Variants in ARFGEF1 observed in about 807,000 individuals in gnomAD.
ARFGEF1 encodes the protein ARF guanine nucleotide exchange factor 1.
In ARFGEF1, 42 loss-of-function variants were observed where a neutral mutation model predicts 231.0. That is an observed-to-expected ratio of 0.18 (90% confidence interval 0.14 to 0.24). ARFGEF1 has a LOEUF of 0.24. Among genes scored for constraint, ARFGEF1 ranks in the 10% least tolerant of loss-of-function variants. ARFGEF1 has a pLI of 1.00. For missense variants in ARFGEF1, 1,345 were observed against 2,192.0 expected (o/e 0.61, Z 7.72); for synonymous variants, 710 against 732.3 (o/e 0.97, Z 0.49).
chr8:67,343,344 G>GCC lies in ARFGEF1; in HGVS notation c.-58_-57insGG. On this transcript the variant is annotated 5_prime_UTR_variant, in exon 1 of 39. Transcript: ENST00000262215. Reference sequence around the variant, plus strand: ...ACCCGCGGCTCCCAGCGGCTGGAGGGGAGGAGGAGGAGAGGAAGGAAGAGA... The same window carrying GCC: ...ACCCGCGGCTCCCAGCGGCTGGAGGGCCGAGGAGGAGGAGAGGAAGGAAGAGA... 1 of 1,589,436 alleles carries GCC rather than the reference G, an allele frequency of 6.3e-7. No individual in the cohort carries two copies. Among genetic ancestry groups the GCC allele is most frequent in the Non-Finnish European group, 8.6e-7 (1 of 1,166,118 alleles).
chr8:67,278,342 T>C (rs561336599), intron 7 of ARFGEF1, among the ~76,000 whole-genome samples: 13 of 152,224 alleles, frequency 8.5e-5, no homozygotes, highest in Middle Eastern at 6.8e-3. Flanking sequence ...ACAGAAATAA[T>C]GAGGTCTATG....
At chr8:67,216,797 A>G (rs76439675) in intron 32 of ARFGEF1, 135 bp from the exon 33 acceptor site, 10,382 of 536,524 alleles carry the variant, frequency 0.019, 312 homozygotes, top group South Asian at 0.041. Context: ...TGCTAATTTT[A>G]GCAATTTCCT....
In ARFGEF1 at chr8:67,298,717, A is replaced by G. The variant is rs117922240; in HGVS notation, c.459+492T>C. On this transcript the variant is annotated intron_variant, in intron 4 of 38. Coordinates refer to ENST00000262215, the MANE Select transcript of ARFGEF1 (RefSeq NM_006421.5). ...ACTTTTCCTCTAACAAACTCTTGGC[A>G]TACAACATTAAAATCCCCTAATATG... Among the ~76,000 whole-genome samples the G allele has an allele frequency of 4.8e-4, 73 of 152,340 alleles. No homozygotes were observed. The East Asian group carries it at 0.013, about 28-fold the overall frequency.
At chr8:67,276,227 A>C in intron 8 of ARFGEF1, 118 bp from the exon 9 acceptor site, 2 of 1,125,150 alleles carry the variant, frequency 1.8e-6, no homozygotes, top group Non-Finnish European at 1.3e-6. Context: ...CACTGTTGGA[A>C]GGGGAACCAG....
chr8:67,247,429 G>A (rs1270747970), intron 19 of ARFGEF1, among the ~76,000 whole-genome samples: 2 of 150,448 alleles, frequency 1.3e-5, no homozygotes, highest in Non-Finnish European at 2.9e-5. Context: ...TGCAAGGATG[G>A]TTCAACATAC....
At chr8:67,193,563 C>A (rs200346372), downstream of ARFGEF1, 8 of 1,613,352 alleles carry the variant, frequency 5.0e-6, no homozygotes, top group South Asian at 1.1e-5. Context: ...GGAACGAATG[C>A]GAAGACTGAA....
At chr8:67,269,728 C>T (rs747895551) in intron 10 of ARFGEF1, among the ~76,000 whole-genome samples, 6 of 151,936 alleles carry the variant, frequency 3.9e-5, no homozygotes, top group Non-Finnish European at 7.4e-5. Context: ...CCCTCATTAT[C>T]GCCCCCTGAG....
intron 1 of ARFGEF1, among the ~76,000 whole-genome samples, chr8:67,333,325 G>GCCTGA (rs1165094454): frequency 3.5e-4 from 51 of 144,134 alleles, no homozygotes; most frequent in Non-Finnish European, 7.2e-4. Context: ...GAGCCACCAT[G>GCCTGA]CCTGGCCTTT....
intron 5 of ARFGEF1, among the ~76,000 whole-genome samples, chr8:67,179,627 T>C (rs943188742): frequency 6.6e-6 from 1 of 152,218 alleles, no homozygotes; most frequent in East Asian, 1.9e-4. Context: ...TGTTAGCTTG[T>C]AGAATCTGTA....
intron 4 of ARFGEF1, among the ~76,000 whole-genome samples, chr8:67,297,791 G>T (rs1267674727): frequency 6.8e-6 from 1 of 146,940 alleles, no homozygotes; most frequent in Non-Finnish European, 1.5e-5. Flanking sequence ...AGGTCAAAAT[G>T]ATCAACCCGT....
chr8:67,210,047 C>T (rs1220791914), intron 34 of ARFGEF1, among the ~76,000 whole-genome samples: 3 of 148,604 alleles, frequency 2.0e-5, no homozygotes, highest in Non-Finnish European at 3.0e-5. Flanking sequence ...CCCAGCTACT[C>T]GGGAGGCTGA....
chr8:67,198,142 A>T lies in ARFGEF1; in HGVS notation c.*792T>A, dbSNP rs766922306. ...TGACAGGTAGTTACTGTCAGTAGGG[A>T]TATTTTCTACCTTTTTTTCCCTATT... On this transcript the variant is annotated 3_prime_UTR_variant, in exon 39 of 39. Coordinates refer to ENST00000262215, the MANE Select transcript of ARFGEF1 (RefSeq NM_006421.5). The T allele has an allele frequency of 1.0e-6, 1 of 985,798 alleles. No individual in the cohort carries two copies. 61.1% of individuals were successfully genotyped at this position (985,798 alleles called of 1,614,324 possible).
chr8:67,308,687 CACTT>C (rs1806856535), intron 1 of ARFGEF1, among the ~76,000 whole-genome samples: 1 of 152,102 alleles, frequency 6.6e-6, no homozygotes, highest in South Asian at 2.1e-4. Context: ...TTTTATAAGG[CACTT>C]ATTTATAAAG....
At chr8:67,287,505 C>T (rs778763860) in intron 7 of ARFGEF1, among the ~76,000 whole-genome samples, 8 of 152,212 alleles carry the variant, frequency 5.3e-5, no homozygotes, top group Admixed American at 3.9e-4. Flanking sequence ...GGTCCTGTGA[C>T]GGCTTCCAGT....
intron 19 of ARFGEF1, among the ~76,000 whole-genome samples, chr8:67,249,348 A>G (rs1198315737): frequency 6.6e-6 from 1 of 150,420 alleles, no homozygotes; most frequent in Non-Finnish European, 1.5e-5. Flanking sequence ...TATCCTGGGC[A>G]TGTTCAAGGC....
chr8:67,195,818 A>G (rs1037320769), downstream of ARFGEF1: 33 of 495,010 alleles, frequency 6.7e-5, 1 homozygote, highest in South Asian at 8.3e-4. Context: ...CAGTTTTGTC[A>G]TAAATTAGGG....
chr8:67,200,837 C>T (rs1348060177), intron 37 of ARFGEF1, among the ~76,000 whole-genome samples: 3 of 152,158 alleles, frequency 2.0e-5, no homozygotes, highest in Non-Finnish European at 4.4e-5. Flanking sequence ...GAATCTGAGG[C>T]GACTCCTCTC....
chr8:67,231,364 C>T (rs755098837), intron 23 of ARFGEF1, among the ~76,000 whole-genome samples: 5 of 152,048 alleles, frequency 3.3e-5, no homozygotes, highest in Non-Finnish European at 5.9e-5. Context: ...TTAGAAGTAT[C>T]TGGCGATGAC....
intron 19 of ARFGEF1, among the ~76,000 whole-genome samples, chr8:67,247,471 T>C (rs958388491): frequency 6.6e-6 from 1 of 150,470 alleles, no homozygotes; most frequent in African/African-American, 2.5e-5. Flanking sequence ...ACCATATCAA[T>C]AGAATGAAAG....
Sources: allele counts gnomAD v4.1 joint callset (sites outside exome capture counted in the v4.1 genomes callset), GRCh38; gene constraint gnomAD v4.1.1; transcripts MANE v1.5; gene names NCBI Gene and HGNC (gene_info 2026-07-23, HGNC 2026-07-21).